The following PLA2G6 variants were observed in gnomAD, a reference collection of about 807,000 sequenced individuals.
PLA2G6 encodes the protein phospholipase A2 group VI.
PLA2G6 carries 62 observed loss-of-function variants against 83.8 expected under a neutral mutation model. That is an observed-to-expected ratio of 0.74 (90% confidence interval 0.60 to 0.91). The LOEUF is 0.91. PLA2G6 is among the 40% of genes least tolerant of loss of function. The pLI is 0.00. For synonymous variants in PLA2G6, 417 were observed against 449.8 expected (o/e 0.93, Z 0.92); for missense variants, 944 against 1,102.0 (o/e 0.86, Z 2.03).
chr22:38,112,802 T>C (rs1051869643), intron 15 of PLA2G6: 9 of 601,244 alleles, frequency 1.5e-5, no homozygotes, highest in Non-Finnish European at 2.4e-5. Flanking sequence ...AGCAGTGCCC[T>C]TTCAGGGATG....
At chr22:38,176,157 C>T (rs374906422) in intron 1 of PLA2G6, among the ~76,000 whole-genome samples, 1 of 152,174 alleles carries the variant, frequency 6.6e-6, no homozygotes, top group South Asian at 2.1e-4. Flanking sequence ...CCTAAGTGAT[C>T]GGACTGATCC....
Position 38,132,870 on chromosome 22 carries a change from G to T in PLA2G6, c.1038C>A (p.Arg346=). 1 of 1,552,528 alleles carries T rather than the reference G, an allele frequency of 6.4e-7. No individual in the cohort carries two copies. The part of the protein sequence containing the change: ...LLTHGANADA[R]GEHGNTPLHL... ...GCAGCGGGGTGTTGCCGTGCTCTCC[G>T]CGGGCATCCGCGTTGGCCCCGTGGG... Residue 346 remains arginine, a synonymous_variant, in exon 7 of 17, where the codon CGC becomes CGA. Coordinates refer to ENST00000332509, the MANE Select transcript of PLA2G6 (RefSeq NM_003560.4). This position sits in a 1 kb window ranked among gnomAD's most constrained non-coding sequence, Gnocchi z 5.0.
intron 2 of PLA2G6, among the ~76,000 whole-genome samples, chr22:38,158,913 G>A (rs536010812): frequency 2.6e-5 from 4 of 152,232 alleles, no homozygotes; most frequent in African/African-American, 7.2e-5. Flanking sequence ...TTTAAAAAGC[G>A]GCTTGCCAGG....
intron 14 of PLA2G6, among the ~76,000 whole-genome samples, chr22:38,114,542 G>C (rs1291523888): frequency 6.6e-6 from 1 of 152,166 alleles, no homozygotes; most frequent in Non-Finnish European, 1.5e-5. Flanking sequence ...GGATGATCTT[G>C]GGTGATGCCT....
At position 38,139,982 on chromosome 22, in the gene PLA2G6, C is replaced by A. The variant is rs764286950; in HGVS notation, c.797G>T (p.Gly266Val). The A allele has an allele frequency of 5.0e-6, 8 of 1,586,258 alleles. No homozygotes were observed. The South Asian group carries it at 9.1e-5, about 18-fold the overall frequency. Residue 266 changes from glycine (G) to valine (V), a missense_variant and splice_region_variant, in exon 5 of 17, where the codon GGG (glycine) becomes GTG (valine). Transcript: ENST00000332509. ...IHSAMKFSQKGCAEMIISMDS... is the reference protein window; with the variant it reads ...IHSAMKFSQKVCAEMIISMDS... ...AGATGGGGAGGGGAGGAGGTCTTAC[C>A]CCTTCTGAGAGAACTTCATGGCCGA...
intron 5 of PLA2G6, chr22:38,139,098 C>A (rs1298934327): frequency 6.6e-6 from 1 of 152,220 alleles, no homozygotes; most frequent in Admixed American, 6.5e-5. Context: ...TGCCTCCCAA[C>A]GTGCCACCAG....
intron 11 of PLA2G6, 46 bp from the exon 12 acceptor site, chr22:38,120,955 C>A (rs758616263): frequency 5.0e-6 from 8 of 1,607,772 alleles, no homozygotes; most frequent in Non-Finnish European, 5.9e-6. Context: ...CGGCCACACG[C>A]AGGGCTCCCG....
intron 2 of PLA2G6, chr22:38,148,859 C>CT (rs200966258): frequency 0.02 from 3,016 of 151,984 alleles, 82 homozygotes; most frequent in East Asian, 0.024. Flanking sequence ...TAGATTATTT[C>CT]TTTTTTTTTT....
intron 3 of PLA2G6, chr22:38,144,919 A>G (rs1226429484): frequency 1.6e-5 from 5 of 312,988 alleles, no homozygotes; most frequent in Non-Finnish European, 3.2e-5. Context: ...GGAAAATTCA[A>G]TTTCATGGTG....
chr22:38,175,482 G>A (rs767766589), intron 1 of PLA2G6, among the ~76,000 whole-genome samples: 8 of 152,062 alleles, frequency 5.3e-5, no homozygotes, highest in East Asian at 1.9e-4. Context: ...CAGCCACGCC[G>A]CACCATCGAT....
At chr22:38,118,245 G>A (rs973150224) in intron 12 of PLA2G6, among the ~76,000 whole-genome samples, 8 of 152,158 alleles carry the variant, frequency 5.3e-5, no homozygotes, top group African/African-American at 1.4e-4. Flanking sequence ...GTGTTGATGG[G>A]CTGAAAACCA....
At chr22:38,120,052 C>G (rs2087435359) in intron 12 of PLA2G6, among the ~76,000 whole-genome samples, 1 of 152,142 alleles carries the variant, frequency 6.6e-6, no homozygotes, top group Admixed American at 6.5e-5. Flanking sequence ...GCCCCTAAGA[C>G]TGGGGGACAC....
At chr22:38,178,168 T>C (rs796130493) in intron 1 of PLA2G6, among the ~76,000 whole-genome samples, 9 of 152,322 alleles carry the variant, frequency 5.9e-5, no homozygotes, top group African/African-American at 2.2e-4. Context: ...AAGAGATCTT[T>C]GGGCTGGTGG....
rs146405417 is a variant in PLA2G6, at chr22:38,176,331, A to G, written c.-46+5333T>C. On this transcript the variant is annotated intron_variant, in intron 1 of 16. Coordinates refer to ENST00000332509, the MANE Select transcript of PLA2G6 (RefSeq NM_003560.4). The stretch of plus-strand genomic sequence containing the variant: ...AGCTGCCCGAGAGGTGCGTGACAGG[A>G]ACCCACAGGCAGCAGGCCAGGAAGC... Among the ~76,000 whole-genome samples the G allele has an allele frequency of 3.6e-3, 546 of 152,300 alleles. 5 individuals are homozygous for G. The highest frequency in any genetic ancestry group is 0.013 in the African/African-American group (526 of 41,560).
chr22:38,117,783 A>G (rs1370269159), intron 12 of PLA2G6, among the ~76,000 whole-genome samples: 1 of 151,870 alleles, frequency 6.6e-6, no homozygotes, highest in Non-Finnish European at 1.5e-5. Flanking sequence ...CACCCCTGTA[A>G]TCCCAGCACT....
At chr22:38,164,980 G>A (rs972926482) in intron 2 of PLA2G6, among the ~76,000 whole-genome samples, 64 of 151,524 alleles carry the variant, frequency 4.2e-4, no homozygotes, top group African/African-American at 1.4e-3. Flanking sequence ...CCACAGCCTC[G>A]ACCCCACCCC....
intron 2 of PLA2G6, among the ~76,000 whole-genome samples, chr22:38,165,145 C>T (rs1569296244): frequency 6.6e-6 from 1 of 152,236 alleles, no homozygotes; most frequent in Non-Finnish European, 1.5e-5. Context: ...AACAGTCCTC[C>T]ACCCTCCACC....
chr22:38,162,695 C>T (rs1460447199), intron 2 of PLA2G6, among the ~76,000 whole-genome samples: 1 of 152,120 alleles, frequency 6.6e-6, no homozygotes, highest in East Asian at 1.9e-4. Context: ...GCACCCCAGG[C>T]TCGTAGATAC....
At chr22:38,148,481 C>A (rs924963772) in intron 2 of PLA2G6, 23 of 716,480 alleles carry the variant, frequency 3.2e-5, no homozygotes, top group Non-Finnish European at 5.5e-5. Flanking sequence ...TCAAAAGACA[C>A]TGATGACTCA....
Sources: gnomAD v4.1 joint callset for allele counts (sites outside exome capture counted in the v4.1 genomes callset) on GRCh38, gnomAD v4.1.1 for gene constraint, Gnocchi (gnomAD v3.1) non-coding constraint, MANE v1.5 for transcripts, NCBI Gene and HGNC (gene_info 2026-07-23, HGNC 2026-07-21) for gene names.